THSD7B: variants seen among roughly 807,000 people sequenced by gnomAD.
THSD7B encodes the protein thrombospondin type-1 domain-containing protein 7B.
Under a neutral mutation model 213.6 loss-of-function variants are expected in THSD7B, and 138 were observed. The observed-to-expected ratio is 0.65, with a 90% CI of 0.56 to 0.74. THSD7B has a LOEUF of 0.74. Among genes scored for constraint, THSD7B ranks in the 30% least tolerant of loss-of-function variants. The pLI, the probability that THSD7B is intolerant of heterozygous loss-of-function variation, is 0.00. For missense variants in THSD7B, 1,931 were observed against 1,991.5 expected, an observed-to-expected ratio of 0.97 and a Z score of 0.58; for synonymous variants, 742 against 687.0, an observed-to-expected ratio of 1.08 and a Z score of -1.25.
chr2:137,447,159 C>T (rs1573630732), intron 14 of THSD7B, among the ~76,000 whole-genome samples: 1 of 151,814 alleles, frequency 6.6e-6, no homozygotes, highest in African/African-American at 2.4e-5. Context: ...AATTTATAAC[C>T]TTGACTTTCA....
chr2:137,179,572 A>G (rs60001523), intron 7 of THSD7B, among the ~76,000 whole-genome samples: 6,076 of 142,360 alleles, frequency 0.043, 432 homozygotes, highest in African/African-American at 0.15. Context: ...TATAGTGGGG[A>G]AAAAAAAAAA....
At chr2:137,132,015 T>C (rs1277828536) in intron 5 of THSD7B, among the ~76,000 whole-genome samples, 1 of 150,560 alleles carries the variant, frequency 6.6e-6, no homozygotes, top group African/African-American at 2.4e-5. Flanking sequence ...CCCATGAGCA[T>C]GGAATGTTCT....
At chr2:137,190,388 C>A (rs1284137371) in intron 7 of THSD7B, among the ~76,000 whole-genome samples, 1 of 152,084 alleles carries the variant, frequency 6.6e-6, no homozygotes, top group Non-Finnish European at 1.5e-5. Flanking sequence ...AGTTGCCTGA[C>A]TTTGGGCAGC....
intron 27 of THSD7B, among the ~76,000 whole-genome samples, chr2:137,675,902 C>T (rs947400468): frequency 1.3e-5 from 2 of 152,072 alleles, no homozygotes; most frequent in African/African-American, 4.8e-5. Context: ...GGTGTTTTGC[C>T]CCATATCTTG....
intron 15 of THSD7B, among the ~76,000 whole-genome samples, chr2:137,469,267 T>C (rs964132847): frequency 1.3e-5 from 2 of 152,166 alleles, no homozygotes; most frequent in Non-Finnish European, 1.5e-5. Context: ...TAACGCTAAA[T>C]AGAGATAGCG....
At chr2:136,833,140 C>T (rs1004199896) in intron 1 of THSD7B, among the ~76,000 whole-genome samples, 10 of 151,754 alleles carry the variant, frequency 6.6e-5, no homozygotes, top group African/African-American at 2.2e-4. Context: ...CCGAGGTGGG[C>T]GGATCACGAG....
At chr2:137,160,699 C>T (rs1465076726) in intron 6 of THSD7B, among the ~76,000 whole-genome samples, 1 of 152,248 alleles carries the variant, frequency 6.6e-6, no homozygotes, top group African/African-American at 2.4e-5. Flanking sequence ...TCTTGGCTCA[C>T]TGCAATCTCT....
chr2:136,975,505 G>A (rs1309145541), intron 2 of THSD7B, among the ~76,000 whole-genome samples: 1 of 152,118 alleles, frequency 6.6e-6, no homozygotes, highest in African/African-American at 2.4e-5. Context: ...TGGATGTGTG[G>A]TCTCATTTTT....
chr2:137,228,902 A>T lies in THSD7B; in HGVS notation c.1724-2142A>T, dbSNP rs1326880464. The stretch of plus-strand genomic sequence containing the variant: ...GCCTTGGACATAGTATTTACTCATC[A>T]AATAGTAGTTAACAATTTCATAGTT... On this transcript the variant is annotated intron_variant, in intron 7 of 27. Transcript: ENST00000409968. 2.6e-5 allele frequency among the ~76,000 whole-genome samples: 4 copies of T among 152,172 alleles called. No individual in the cohort carries two copies. In the East Asian group the frequency reaches 7.7e-4, roughly 29 times the overall value.
chr2:136,935,606 T>TAA (rs1201305923), intron 2 of THSD7B, among the ~76,000 whole-genome samples: 1 of 152,074 alleles, frequency 6.6e-6, no homozygotes, highest in Admixed American at 6.6e-5. Context: ...ATCCATGGAT[T>TAA]AAAAGACATT....
intron 2 of THSD7B, among the ~76,000 whole-genome samples, chr2:136,943,394 A>G (rs1333835397): frequency 6.6e-6 from 1 of 152,190 alleles, no homozygotes; most frequent in Non-Finnish European, 1.5e-5. Flanking sequence ...GGCTAGCCTC[A>G]TAAAATGAGT....
At chr2:137,341,977 T>A (rs1487393359) in intron 12 of THSD7B, among the ~76,000 whole-genome samples, 2 of 151,576 alleles carry the variant, frequency 1.3e-5, no homozygotes, top group Non-Finnish European at 3.0e-5. Context: ...AGACTTTTGT[T>A]GTTGTTGTTG....
At chr2:136,829,044 C>T (rs1181218929) in intron 1 of THSD7B, among the ~76,000 whole-genome samples, 1 of 152,178 alleles carries the variant, frequency 6.6e-6, no homozygotes, top group African/African-American at 2.4e-5. Flanking sequence ...TGTCCCTTTC[C>T]AAGGCCACTC....
At position 137,356,963 on chromosome 2, in the gene THSD7B, CACAG is replaced by C. The variant is rs560720790; in HGVS notation, c.2501-48646_2501-48643del. ...ACACACACATACACACACACACACA[CACAG>C]ACACACACACACACACACACACACA... On this transcript the variant is annotated intron_variant, in intron 12 of 27. Coordinates refer to ENST00000409968, the MANE Select transcript of THSD7B (RefSeq NM_001316349.2). 7.1e-3 allele frequency among the ~76,000 whole-genome samples: 455 copies of C among 64,066 alleles called. 2 individuals are homozygous for C. Among genetic ancestry groups the C allele is most frequent in the African/African-American group, 0.013 (283 of 22,482 alleles). The allele number at this position is 64,066 out of a possible 152,430, so 42.0% of individuals were successfully genotyped here. A position where few individuals can be genotyped will look rare whatever the true frequency, so the allele number is the denominator to read the frequency against.
intron 14 of THSD7B, among the ~76,000 whole-genome samples, chr2:137,435,725 A>G (rs1427040018): frequency 2.0e-5 from 3 of 152,138 alleles, no homozygotes; most frequent in Non-Finnish European, 2.9e-5. Context: ...AGTCTCAGGT[A>G]TTGGGGCCCA....
intron 14 of THSD7B, among the ~76,000 whole-genome samples, chr2:137,438,096 C>T (rs1057186215): frequency 2.0e-5 from 3 of 152,090 alleles, no homozygotes; most frequent in Admixed American, 6.5e-5. Flanking sequence ...CCTCTTGTTC[C>T]AGACCATCTG....
At chr2:137,367,046 T>C (rs910259334) in intron 12 of THSD7B, among the ~76,000 whole-genome samples, 4 of 152,118 alleles carry the variant, frequency 2.6e-5, no homozygotes, top group Admixed American at 1.3e-4. Context: ...TTCACCTGGG[T>C]AGATAAATAA....
intron 1 of THSD7B, among the ~76,000 whole-genome samples, chr2:136,832,793 C>T (rs1682777688): frequency 6.6e-6 from 1 of 152,202 alleles, no homozygotes; most frequent in African/African-American, 2.4e-5. Flanking sequence ...AGTTAAGACA[C>T]TGAATCTCAA....
At chr2:137,023,009 A>C (rs1686473749) in intron 2 of THSD7B, among the ~76,000 whole-genome samples, 1 of 152,196 alleles carries the variant, frequency 6.6e-6, no homozygotes, top group African/African-American at 2.4e-5. Flanking sequence ...AATACAAACA[A>C]ACACACAAGA....
Sources: allele counts gnomAD v4.1 joint callset (sites outside exome capture counted in the v4.1 genomes callset), GRCh38; gene constraint gnomAD v4.1.1; transcripts MANE v1.5; gene names NCBI Gene and HGNC (gene_info 2026-07-23, HGNC 2026-07-21).